The following UBE2V1 variants were observed in gnomAD, a reference collection of about 807,000 sequenced individuals.
UBE2V1 encodes the protein ubiquitin conjugating enzyme E2 V1, also known as ubiquitin-conjugating enzyme E2 variant 1.
A neutral mutation model predicts 19.6 loss-of-function variants in UBE2V1; 15 were observed. That is an observed-to-expected ratio of 0.77 (90% CI 0.51 to 1.18). The LOEUF (loss-of-function observed/expected upper bound fraction) is 1.18. UBE2V1 is among the 50% of genes most tolerant of loss of function. The probability of loss-of-function intolerance (pLI) is 0.00; values close to 1 mark genes in which losing one functional copy is unlikely to be tolerated. For missense variants in UBE2V1, 125 were observed against 184.8 expected (o/e 0.68, Z 1.88); for synonymous variants, 60 against 60.7 (o/e 0.99, Z 0.05).
At chr20:50,084,401 G>T in intron 2 of UBE2V1, 147 bp from the exon 3 acceptor site, 2 of 1,431,574 alleles carry the variant, frequency 1.4e-6, no homozygotes, top group Non-Finnish European at 1.9e-6. Flanking sequence ...TAGGTCAGCA[G>T]TTCTATACTA....
intron 1 of UBE2V1, among the ~76,000 whole-genome samples, chr20:50,112,057 T>C (rs2080788664): frequency 6.6e-6 from 1 of 152,200 alleles, no homozygotes; most frequent in Admixed American, 6.5e-5. Context: ...ACTTCTGAGC[T>C]GAACCCACAT....
At chr20:50,087,283 C>A (rs2078973494) in intron 2 of UBE2V1, among the ~76,000 whole-genome samples, 1 of 151,226 alleles carries the variant, frequency 6.6e-6, no homozygotes, top group Non-Finnish European at 1.5e-5. Context: ...GTAGTCCCAG[C>A]TAACCGGGGG....
intron 2 of UBE2V1, chr20:50,084,626 C>T (rs1600948127): frequency 2.2e-6 from 1 of 449,534 alleles, no homozygotes; most frequent in East Asian, 6.8e-5. Context: ...CCAGGATCAT[C>T]AGCCAATCAG....
chr20:50,087,894 CT>C (rs1318077819), intron 2 of UBE2V1, among the ~76,000 whole-genome samples: 1 of 152,068 alleles, frequency 6.6e-6, no homozygotes, highest in African/African-American at 2.4e-5. Context: ...ATACGAAAGA[CT>C]GGCAAAACAT....
chr20:50,088,598 C>T (rs921606611), intron 2 of UBE2V1, among the ~76,000 whole-genome samples: 2 of 151,992 alleles, frequency 1.3e-5, no homozygotes, highest in African/African-American at 4.8e-5. Flanking sequence ...CCAGCCTGGG[C>T]AACAAAGTGA....
chr20:50,090,892 C>T (rs1332114738), intron 2 of UBE2V1, among the ~76,000 whole-genome samples: 1 of 152,186 alleles, frequency 6.6e-6, no homozygotes, highest in Non-Finnish European at 1.5e-5. Context: ...CAAATCATCA[C>T]ACTGTATACC....
At chr20:50,100,285 T>TA (rs34807999) in intron 1 of UBE2V1, among the ~76,000 whole-genome samples, 9,547 of 122,082 alleles carry the variant, frequency 0.078, 693 homozygotes, top group African/African-American at 0.2. Context: ...TGTCTCTATT[T>TA]AAAAAAAAAA....
rs1057119677 is a variant in UBE2V1 at position 50,106,776 on chromosome 20, G to A, written c.22+6331C>T. On this transcript the variant is annotated intron_variant, in intron 1 of 3. Transcript: ENST00000371674. ...CCTGAACCTGGGAGGCAGAGGTTGC[G>A]GTGAGCCAAGATAGCACCATTGCAC... 7.3e-5 allele frequency among the ~76,000 whole-genome samples: 11 copies of A among 151,658 alleles called. No individual in the cohort carries two copies. In the East Asian group the frequency reaches 1.5e-3, roughly 21 times the overall value.
intron 1 of UBE2V1, among the ~76,000 whole-genome samples, chr20:50,112,174 C>T (rs879723294): frequency 6.6e-6 from 1 of 152,216 alleles, no homozygotes; most frequent in Non-Finnish European, 1.5e-5. Context: ...GACTTTTCTC[C>T]TTTACAGGAA....
intron 1 of UBE2V1, among the ~76,000 whole-genome samples, chr20:50,112,864 C>G (rs754413513): frequency 3.3e-5 from 5 of 152,188 alleles, no homozygotes; most frequent in Non-Finnish European, 7.4e-5. Context: ...AGGGCCCTCA[C>G]GCCTCCCGGG....
At position 50,094,295 on chromosome 20, in the gene UBE2V1, A is replaced by AATGC. The variant is rs1388432601; in HGVS notation, c.171+2376_171+2377insGCAT. Reference sequence around the variant, plus strand: ...ATATATAATGCATTATATAATATATAATTATATATAATATATGTCCATCTT... The same window carrying AATGC: ...ATATATAATGCATTATATAATATATAATGCATTATATATAATATATGTCCATCTT... On this transcript the variant is annotated intron_variant, in intron 2 of 3. Transcript: ENST00000371674. Among the ~76,000 whole-genome samples, 308 of 139,460 alleles carry AATGC rather than the reference A, an allele frequency of 2.2e-3. 12 individuals are homozygous for AATGC. Among genetic ancestry groups the AATGC allele is most frequent in the African/African-American group, 6.5e-3 (236 of 36,340 alleles). 91.5% of individuals were successfully genotyped at this position (139,460 alleles called of 152,430 possible).
upstream of UBE2V1, chr20:50,115,333 A>C: frequency 1.5e-6 from 2 of 1,315,094 alleles, no homozygotes; most frequent in East Asian, 2.7e-5. Flanking sequence ...TCAAAGTGCC[A>C]GCACTGGCTA....
At chr20:50,101,615 C>T (rs2080005129) in intron 1 of UBE2V1, among the ~76,000 whole-genome samples, 1 of 148,154 alleles carries the variant, frequency 6.7e-6, no homozygotes, top group South Asian at 2.2e-4. Flanking sequence ...ATTTCAGGAC[C>T]ACAGTGAAAA....
Position 50,084,757 on chromosome 20 carries a change from C to T in UBE2V1, c.172-503G>A, listed in dbSNP as rs192362591. 11 of 361,404 alleles carry T rather than the reference C, an allele frequency of 3.0e-5. No individual in the cohort carries two copies. In the East Asian group the frequency reaches 3.7e-4, roughly 12 times the overall value. The allele number at this position is 361,404 out of a possible 1,614,324, so 22.4% of individuals were successfully genotyped here. A position where few individuals can be genotyped will look rare whatever the true frequency, so the allele number is the denominator to read the frequency against. On this transcript the variant is annotated intron_variant, in intron 2 of 3. Transcript: ENST00000371674. The stretch of plus-strand genomic sequence containing the variant: ...GCTGCTTCCCCCTTCTCCATCACTC[C>T]GGGGTTAGGCACTGGGTAAGGGATT...
chr20:50,084,284 C>T (rs1229920684), intron 2 of UBE2V1, 30 bp from the exon 3 acceptor site: 16 of 1,609,634 alleles, frequency 9.9e-6, no homozygotes, highest in Non-Finnish European at 1.4e-5. Context: ...AGATGTCACG[C>T]AATTACAAAC....
intron 2 of UBE2V1, chr20:50,095,102 T>C (rs1195682683): frequency 6.6e-6 from 1 of 152,228 alleles, no homozygotes; most frequent in Non-Finnish European, 1.5e-5. Context: ...TGTTGTACAT[T>C]GGTTCAATTC....
intron 2 of UBE2V1, chr20:50,084,595 G>A (rs976150005): frequency 2.1e-6 from 1 of 468,298 alleles, no homozygotes; most frequent in Non-Finnish European, 4.2e-6. Flanking sequence ...ATTCTAGGAA[G>A]CCGAGTTAAA....
rs1003516625 is a variant in UBE2V1, at chr20:50,082,043, GA to G, written c.*724del. The G allele has an allele frequency of 4.1e-5, 8 of 196,340 alleles. No individual in the cohort carries two copies. The highest frequency in any genetic ancestry group is 1.9e-4 in the African/African-American group (8 of 42,762). 12.2% of individuals were successfully genotyped at this position (196,340 alleles called of 1,614,324 possible). On this transcript the variant is annotated 3_prime_UTR_variant, in exon 4 of 4. Coordinates refer to ENST00000371674, the MANE Select transcript of UBE2V1 (RefSeq NM_001032288.3). ...TGTTGGGTGGTGACGGTGCAAAAAGGAACTTGAGGAGGAGGGAGAAAAAGCA... is the reference window on the plus strand; with the variant it reads ...TGTTGGGTGGTGACGGTGCAAAAAGGACTTGAGGAGGAGGGAGAAAAAGCA...
intron 1 of UBE2V1, among the ~76,000 whole-genome samples, chr20:50,100,777 T>C (rs2079937609): frequency 6.6e-6 from 1 of 152,240 alleles, no homozygotes; most frequent in African/African-American, 2.4e-5. Flanking sequence ...CTATTTATAG[T>C]AGGACTATTC....
Sources: allele counts gnomAD v4.1 joint callset (sites outside exome capture counted in the v4.1 genomes callset), GRCh38; gene constraint gnomAD v4.1.1; transcripts MANE v1.5; gene names NCBI Gene and HGNC (gene_info 2026-07-23, HGNC 2026-07-21).